DGKD: variants seen among roughly 807,000 people sequenced by gnomAD.
The protein encoded by DGKD is diacylglycerol kinase delta, also known as DAG kinase delta.
DGKD carries 68 observed loss-of-function variants against 154.4 expected under a neutral mutation model. The ratio of observed to expected loss-of-function variants is 0.44; its 90% confidence interval spans 0.36 to 0.54. The LOEUF (loss-of-function observed/expected upper bound fraction) is 0.54. DGKD is among the 20% of genes least tolerant of loss of function. DGKD has a pLI of 0.00. For missense variants in DGKD, 1,343 were observed against 1,593.6 expected (o/e 0.84, Z 2.68); for synonymous variants, 693 against 638.0 (o/e 1.09, Z -1.30).
At chr2:233,408,233 G>A (rs2061734657) in intron 3 of DGKD, among the ~76,000 whole-genome samples, 1 of 151,866 alleles carries the variant, frequency 6.6e-6, no homozygotes, top group African/African-American at 2.4e-5. Context: ...GTAGAGACAG[G>A]GTTTCACCAT....
At chr2:233,443,987 C>T (rs927901872) in intron 10 of DGKD, among the ~76,000 whole-genome samples, 5 of 152,142 alleles carry the variant, frequency 3.3e-5, no homozygotes, top group African/African-American at 1.2e-4. Flanking sequence ...CTTACCCTTC[C>T]CTTAACGCTG....
At chr2:233,372,851 C>T (rs1475966210) in intron 1 of DGKD, among the ~76,000 whole-genome samples, 1 of 152,164 alleles carries the variant, frequency 6.6e-6, no homozygotes, top group Admixed American at 6.5e-5. Context: ...AGAATTCTAA[C>T]ACTGGGACTC....
At position 233,438,942 on chromosome 2, in the gene DGKD, G is replaced by A. The variant is rs2062802816; in HGVS notation, c.1085+563G>A. Among the ~76,000 whole-genome samples, 1 of 152,246 alleles carries A rather than the reference G, an allele frequency of 6.6e-6. No homozygotes were observed. On this transcript the variant is annotated intron_variant, in intron 9 of 29. Transcript: ENST00000264057. The surrounding 1 kb of genome is among the most constrained non-coding windows in gnomAD (Gnocchi z 4.1). ...GCACAGGAGGCCGCTCGGTGTGCAG[G>A]TGCTGCAAGGCAGGAACACGTAAGG...
Position 233,458,112 on chromosome 2 carries a change from C to A in DGKD, c.2581-172C>A, listed in dbSNP as rs886953712. ...GCCGAGATGAGAGCTGGGATTTGGT[C>A]CCAGGCAGCTGGTTTCAGGGCCTGC... On this transcript the variant is annotated intron_variant, in intron 21 of 29. Coordinates refer to ENST00000264057, the MANE Select transcript of DGKD (RefSeq NM_152879.3). This position sits in a 1 kb window ranked among gnomAD's most constrained non-coding sequence, Gnocchi z 6.6. 1.9e-6 allele frequency: 1 copy of A among 529,134 alleles called. No homozygotes were observed. Among genetic ancestry groups the A allele is most frequent in the East Asian group, 2.9e-5 (1 of 34,216 alleles). The allele number at this position is 529,134 out of a possible 1,614,324, so 32.8% of individuals were successfully genotyped here. A position where few individuals can be genotyped will look rare whatever the true frequency, so the allele number is the denominator to read the frequency against.
chr2:233,468,015 G>T (rs1400402948), intron 28 of DGKD, among the ~76,000 whole-genome samples: 3 of 152,126 alleles, frequency 2.0e-5, no homozygotes, highest in African/African-American at 7.2e-5. Context: ...CTCATATTTG[G>T]TGGTGGTAAA....
At chr2:233,420,716 G>A (rs1158235710) in intron 3 of DGKD, among the ~76,000 whole-genome samples, 1 of 152,216 alleles carries the variant, frequency 6.6e-6, no homozygotes, top group Non-Finnish European at 1.5e-5. Flanking sequence ...GATTCCTGGA[G>A]TTAAATCAGA....
intron 12 of DGKD, 61 bp downstream of exon 12, chr2:233,446,857 C>A: frequency 6.3e-7 from 1 of 1,583,588 alleles, no homozygotes; most frequent in South Asian, 1.1e-5. Context: ...ACTGTCCTGT[C>A]AGCGGTTTGC....
In DGKD at chr2:233,441,852, G is replaced by T. The variant is rs756874656; in HGVS notation, c.1086-35G>T. 16 of 1,584,006 alleles carry T rather than the reference G, an allele frequency of 1.0e-5. No individual in the cohort carries two copies. The African/African-American group carries it at 2.2e-4, about 21-fold the overall frequency. On this transcript the variant is annotated intron_variant, in intron 9 of 29. Coordinates refer to ENST00000264057, the MANE Select transcript of DGKD (RefSeq NM_152879.3). The surrounding 1 kb of genome is among the most constrained non-coding windows in gnomAD (Gnocchi z 5.6). ...AGCCTGTCATTTGTCCTGTGGAATG[G>T]ATGTCATTTCACGGCCTTTCTCTTT...
chr2:233,452,275 T>C lies in DGKD; in HGVS notation c.2264+215T>C, dbSNP rs1046099817. Among the ~76,000 whole-genome samples the C allele has an allele frequency of 1.2e-4, 18 of 152,230 alleles. 1 individual carries two copies. In the East Asian group the frequency reaches 3.5e-3, roughly 29 times the overall value. On this transcript the variant is annotated intron_variant, in intron 18 of 29. Coordinates refer to ENST00000264057, the MANE Select transcript of DGKD (RefSeq NM_152879.3). This position sits in a 1 kb window ranked among gnomAD's most constrained non-coding sequence, Gnocchi z 4.0. ...GCAGAGGCAAAGCGCACGCCTCCCA[T>C]CTCCTTCCCAAGGTCCCACGGTGCT...
intron 3 of DGKD, among the ~76,000 whole-genome samples, chr2:233,390,979 C>T (rs1703567270): frequency 6.6e-6 from 1 of 152,178 alleles, no homozygotes; most frequent in African/African-American, 2.4e-5. Flanking sequence ...GTGATCCACC[C>T]TCCTTGGCCT....
intron 3 of DGKD, among the ~76,000 whole-genome samples, chr2:233,409,754 G>A (rs776644049): frequency 2.9e-5 from 4 of 137,210 alleles, no homozygotes; most frequent in Admixed American, 7.4e-5. Context: ...GGTTTGAAGT[G>A]TAAACCTAAA....
intron 3 of DGKD, among the ~76,000 whole-genome samples, chr2:233,420,082 C>T (rs1009271494): frequency 2.6e-5 from 4 of 152,096 alleles, no homozygotes; most frequent in Admixed American, 6.5e-5. Context: ...CCATGAGACG[C>T]GTGGCAGTCG....
intron 3 of DGKD, among the ~76,000 whole-genome samples, chr2:233,426,468 C>T (rs902288600): frequency 6.6e-6 from 1 of 152,126 alleles, no homozygotes; most frequent in Non-Finnish European, 1.5e-5. Flanking sequence ...GTGTGCCCCT[C>T]CTGTCAAAGC....
At chr2:233,370,570 C>CT (rs56301429) in intron 1 of DGKD, among the ~76,000 whole-genome samples, 43,762 of 122,770 alleles carry the variant, frequency 0.36, 7,691 homozygotes, top group Middle Eastern at 0.4. Flanking sequence ...AGAACTTCTT[C>CT]TTTTTTTTTT....
At chr2:233,460,424 C>A in intron 24 of DGKD, 79 bp downstream of exon 24, 2 of 1,535,296 alleles carry the variant, frequency 1.3e-6, no homozygotes, top group Non-Finnish European at 1.8e-6. Flanking sequence ...GCCCCTGGGG[C>A]GTGGAGCTGC....
At chr2:233,376,931 C>G (rs1702603467) in intron 1 of DGKD, among the ~76,000 whole-genome samples, 1 of 152,010 alleles carries the variant, frequency 6.6e-6, no homozygotes. Context: ...TTCCCTTTCC[C>G]TAGAGGTAAC....
intron 3 of DGKD, among the ~76,000 whole-genome samples, chr2:233,409,787 GTTTTTTTTTTT>G (rs3075533): frequency 1.6e-5 from 1 of 60,892 alleles, no homozygotes; most frequent in African/African-American, 7.4e-5. Context: ...CCCCCATACC[GTTTTTTTTTTT>G]TTTTTTTTTT....
chr2:233,441,170 AGAAGCG>A lies in DGKD; in HGVS notation c.1086-715_1086-710del, dbSNP rs978786555. Among the ~76,000 whole-genome samples, 3 of 80,676 alleles carry A rather than the reference AGAAGCG, an allele frequency of 3.7e-5. No individual in the cohort carries two copies. The highest frequency in any genetic ancestry group is 9.7e-5 in the Non-Finnish European group (3 of 31,000). 52.9% of individuals were successfully genotyped at this position (80,676 alleles called of 152,430 possible). ...CACAGGAAGAGGATGAGGAGTGAGC[AGAAGCG>A]GCACTGGTCTCCTGAGTGGGGACGC... On this transcript the variant is annotated intron_variant, in intron 9 of 29. Coordinates refer to ENST00000264057, the MANE Select transcript of DGKD (RefSeq NM_152879.3). The surrounding 1 kb of genome is among the most constrained non-coding windows in gnomAD (Gnocchi z 5.6).
Position 233,434,493 on chromosome 2 carries a change from AG to A in DGKD, c.453+10del. 6.2e-7 allele frequency: 1 copy of A among 1,612,102 alleles called. No individual in the cohort carries two copies. The highest frequency in any genetic ancestry group is 1.3e-5 in the African/African-American group (1 of 74,994). ...ACAGGGAGCACTTTGAGGTTAAAAA[AG>A]AAAATACCCTTCTCCAAATGCCTCC... On this transcript the variant is annotated intron_variant, in intron 4 of 29. Transcript: ENST00000264057.
Sources: allele counts gnomAD v4.1 joint callset (sites outside exome capture counted in the v4.1 genomes callset), GRCh38; gene constraint gnomAD v4.1.1; non-coding constraint Gnocchi (gnomAD v3.1); transcripts MANE v1.5; gene names NCBI Gene and HGNC (gene_info 2026-07-23, HGNC 2026-07-21).